NPC1: variants seen among roughly 807,000 people sequenced by gnomAD.
The protein encoded by NPC1 is Niemann-Pick C1 protein.
NPC1 carries 85 observed loss-of-function variants against 140.4 expected under a neutral mutation model. That is an observed-to-expected ratio of 0.61 (90% CI 0.51 to 0.72). The LOEUF (loss-of-function observed/expected upper bound fraction) is 0.72. NPC1 is among the 30% of genes least tolerant of loss of function. NPC1 has a pLI of 0.00. For missense variants in NPC1, 1,504 were observed against 1,623.8 expected (o/e 0.93, Z 1.27); for synonymous variants, 656 against 624.8 (o/e 1.05, Z -0.74).
intron 3 of NPC1, among the ~76,000 whole-genome samples, chr18:23,507,453 A>G (rs988868896): frequency 1.1e-4 from 17 of 152,152 alleles, no homozygotes; most frequent in Admixed American, 9.8e-4. Context: ...AGCATAGAAT[A>G]TGTGAGGTAT....
In NPC1 at chr18:23,556,541, C is replaced by G. The variant is rs1444308532; in HGVS notation, c.1028G>C (p.Gly343Ala). The G allele has an allele frequency of 1.2e-6, 2 of 1,613,978 alleles. No individual in the cohort carries two copies. Among genetic ancestry groups the G allele is most frequent in the African/African-American group, 1.3e-5 (1 of 74,896 alleles). ...GCLRRLFTRW[G>A]SFCVRNPGCV... Reference sequence around the variant, plus strand: ...GCCAGGGTTTCGGACGCAGAAAGACCCCCAGCGTGTGAACAGCCGCCTCAA... The same window carrying G: ...GCCAGGGTTTCGGACGCAGAAAGACGCCCAGCGTGTGAACAGCCGCCTCAA... The change falls in exon 8 of 25, where the codon GGG becomes GCG. Residue 343 changes from glycine (G) to alanine (A), a missense_variant. By Grantham distance (60) the Gly-to-Ala change is moderately conservative. Coordinates refer to ENST00000269228, the MANE Select transcript of NPC1 (RefSeq NM_000271.5).
chr18:23,506,684 G>A (rs2057725411), intron 3 of NPC1: 3 of 284,920 alleles, frequency 1.1e-5, no homozygotes, highest in Non-Finnish European at 2.0e-5. Flanking sequence ...GCTCCTGAGC[G>A]GGTCTATAGT....
At chr18:23,511,475 G>A (rs1449780078) in intron 3 of NPC1, among the ~76,000 whole-genome samples, 2 of 151,974 alleles carry the variant, frequency 1.3e-5, no homozygotes, top group Non-Finnish European at 2.9e-5. Flanking sequence ...GAACCTAAAA[G>A]TTAAAACAAA....
downstream of NPC1, chr18:23,529,158 T>A (rs1441779212): frequency 1.9e-6 from 3 of 1,604,794 alleles, no homozygotes; most frequent in East Asian, 4.5e-5. Flanking sequence ...AAGATCATAG[T>A]TTGTGGTTTT....
intron 2 of NPC1, among the ~76,000 whole-genome samples, chr18:23,572,408 T>C (rs978999836): frequency 6.6e-6 from 1 of 152,220 alleles, no homozygotes; most frequent in Admixed American, 6.5e-5. Context: ...GGAAGCTTTC[T>C]CTCCTCTCCT....
chr18:23,568,683 G>C, intron 4 of NPC1, 140 bp downstream of exon 4: 1 of 712,712 alleles, frequency 1.4e-6, no homozygotes, highest in Non-Finnish European at 2.5e-6. Context: ...TAGGATACAA[G>C]CAAAGCAACA....
Position 23,540,463 on chromosome 18 carries a change from A to T in NPC1, c.2589T>A (p.Ser863=). ...LNKVDIGLDQ[S]LSMPDDSYMV... ...GTCATCTTACATCTGGCATCGAAAG[A>T]GACTGATCCAATCCAATATCTACTT... The change falls in exon 17 of 25, where the codon TCT becomes TCA. Residue 863 remains serine (S), a synonymous_variant. Transcript: ENST00000269228. The T allele has an allele frequency of 6.2e-7, 1 of 1,606,348 alleles. No homozygotes were observed. The highest frequency in any genetic ancestry group is 8.5e-7 in the Non-Finnish European group (1 of 1,173,372).
intron 20 of NPC1, 121 bp downstream of exon 20, chr18:23,538,421 G>A (rs1312470687): frequency 3.2e-6 from 4 of 1,242,262 alleles, no homozygotes; most frequent in East Asian, 4.6e-5. Flanking sequence ...CAAAGGACCA[G>A]GACAGGGTGG....
intron 3 of NPC1, 77 bp downstream of exon 3, chr18:23,571,994 AAAG>A (rs1411724530): frequency 5.2e-6 from 4 of 766,976 alleles, no homozygotes; most frequent in Non-Finnish European, 8.9e-6. Flanking sequence ...ATATGTAAAC[AAAG>A]AATAAATGGA....
chr18:23,513,083 A>G (rs2057906441), intron 3 of NPC1, among the ~76,000 whole-genome samples: 1 of 151,966 alleles, frequency 6.6e-6, no homozygotes, highest in Non-Finnish European at 1.5e-5. Context: ...CTTCCTGAAT[A>G]GCTGGGATTA....
intron 3 of NPC1, chr18:23,516,012 C>T: frequency 2.0e-5 from 33 of 1,612,794 alleles, no homozygotes; most frequent in Non-Finnish European, 2.8e-5. Flanking sequence ...AGGAAGCCTC[C>T]CCTGAAAAAA....
intron 4 of NPC1, among the ~76,000 whole-genome samples, chr18:23,564,411 C>G (rs2059092317): frequency 6.6e-6 from 1 of 152,052 alleles, no homozygotes; most frequent in Non-Finnish European, 1.5e-5. Flanking sequence ...GTACTTAGTG[C>G]AGCCTCCTTA....
Position 23,536,723 on chromosome 18 carries a change from GAC to G in NPC1, c.3193_3194del (p.Val1065HisfsTer7). 6.2e-7 allele frequency: 1 copy of G among 1,614,182 alleles called. No homozygotes were observed. The highest frequency in any genetic ancestry group is 8.5e-7 in the Non-Finnish European group (1 of 1,180,032). Reference protein sequence around the residue: ...LKKARLIASNVTETMGINGSA... With the variant: ...LKKARLIASNXTETMGINGSA... ...TGCCGTTAATGCCCATGGTTTCGGT[GAC>G]ATTACTGGCTATAAGTCGGGCTTTC... is the stretch of plus-strand genomic sequence containing the variant. On this transcript the variant is annotated frameshift_variant, in exon 21 of 25. Coordinates refer to ENST00000269228, the MANE Select transcript of NPC1 (RefSeq NM_000271.5). LOFTEE classifies it high-confidence loss of function.
intron 8 of NPC1, among the ~76,000 whole-genome samples, chr18:23,555,970 C>A (rs934258500): frequency 6.6e-6 from 1 of 152,216 alleles, no homozygotes; most frequent in African/African-American, 2.4e-5. Context: ...CCACTGAAGT[C>A]TTCTTTCTCT....
intron 10 of NPC1, among the ~76,000 whole-genome samples, chr18:23,549,198 T>C (rs1238088721): frequency 2.0e-5 from 3 of 152,144 alleles, no homozygotes; most frequent in Non-Finnish European, 4.4e-5. Context: ...TTTCATTCCT[T>C]TTTTTCTTCT....
At chr18:23,543,123 T>G (rs2058734261) in intron 14 of NPC1, among the ~76,000 whole-genome samples, 1 of 151,550 alleles carries the variant, frequency 6.6e-6, no homozygotes, top group Admixed American at 6.6e-5. Flanking sequence ...AGGTCAGGAG[T>G]TCGAGACCAG....
At chr18:23,580,053 T>G (rs1455359581) in intron 1 of NPC1, among the ~76,000 whole-genome samples, 4 of 152,116 alleles carry the variant, frequency 2.6e-5, no homozygotes, top group African/African-American at 4.8e-5. Context: ...ACTAACATAT[T>G]CAAATACTTA....
intron 3 of NPC1, 64 bp downstream of exon 3, chr18:23,572,010 G>C: frequency 1.1e-6 from 1 of 916,412 alleles, no homozygotes; most frequent in Admixed American, 1.8e-5. Flanking sequence ...TAAATGGAAA[G>C]CTGAGCATTA....
rs535373174 is a variant in NPC1, at chr18:23,531,442, T to C, written c.*760A>G. The C allele has an allele frequency of 2.6e-4, 327 of 1,265,000 alleles. No homozygotes were observed. The highest frequency in any genetic ancestry group is 3.2e-4 in the Non-Finnish European group (302 of 953,578). The allele number at this position is 1,265,000 out of a possible 1,614,324, so 78.4% of individuals were successfully genotyped here. A position where few individuals can be genotyped will look rare whatever the true frequency, so the allele number is the denominator to read the frequency against. ...TACCATAAGGACAGGTTAGATAGAA[T>C]CTCTTCCATTTAGCTTTTGTATTTG... is the stretch of plus-strand genomic sequence containing the variant. On this transcript the variant is annotated 3_prime_UTR_variant, in exon 25 of 25. Coordinates refer to ENST00000269228, the MANE Select transcript of NPC1 (RefSeq NM_000271.5).
Sources: gnomAD v4.1 joint callset for allele counts (sites outside exome capture counted in the v4.1 genomes callset) on GRCh38, gnomAD v4.1.1 for gene constraint, MANE v1.5 for transcripts, NCBI Gene and HGNC (gene_info 2026-07-23, HGNC 2026-07-21) for gene names.